PSD3: variants seen among roughly 807,000 people sequenced by gnomAD.
PSD3 encodes the protein pleckstrin and Sec7 domain containing 3, also known as PH and SEC7 domain-containing protein 3.
In PSD3, 49 loss-of-function variants were observed where a neutral mutation model predicts 105.5. The ratio of observed to expected loss-of-function variants is 0.46; its 90% CI spans 0.37 to 0.59. The LOEUF (loss-of-function observed/expected upper bound fraction) is 0.59, where lower values mean the gene tolerates loss of function less well. PSD3 is among the 20% of genes least tolerant of loss of function. The probability of loss-of-function intolerance (pLI) is 0.00; values close to 1 mark genes in which losing one functional copy is unlikely to be tolerated. For missense variants in PSD3, 1,561 were observed against 1,263.8 expected, an observed-to-expected ratio of 1.24 and a Z score of -3.57; for synonymous variants, 557 against 457.8, an observed-to-expected ratio of 1.22 and a Z score of -2.77.
At chr8:18,792,103 T>C (rs1478307841) in intron 8 of PSD3, among the ~76,000 whole-genome samples, 11 of 152,190 alleles carry the variant, frequency 7.2e-5, no homozygotes, top group Non-Finnish European at 1.6e-4. Context: ...AGGAATGCTT[T>C]TACGCTGTTG....
intron 11 of PSD3, among the ~76,000 whole-genome samples, chr8:18,602,690 C>G (rs1237822992): frequency 1.3e-5 from 2 of 151,956 alleles, no homozygotes; most frequent in African/African-American, 4.8e-5. Flanking sequence ...TGGGTGCAAT[C>G]AAGCAGAATT....
intron 1 of PSD3, among the ~76,000 whole-genome samples, chr8:19,039,696 T>A (rs1828059413): frequency 6.6e-6 from 1 of 152,178 alleles, no homozygotes; most frequent in African/African-American, 2.4e-5. Flanking sequence ...CTTACATTCA[T>A]CTCTCATCCC....
chr8:18,910,128 C>T (rs555657017), intron 2 of PSD3, among the ~76,000 whole-genome samples: 4 of 152,114 alleles, frequency 2.6e-5, no homozygotes. Flanking sequence ...GTCTCCATCC[C>T]ATTACTGGGT....
chr8:19,015,131 G>T (rs886495526), upstream of PSD3, among the ~76,000 whole-genome samples: 2 of 152,090 alleles, frequency 1.3e-5, no homozygotes, highest in African/African-American at 4.8e-5. Context: ...TTGAATTATG[G>T]GGGCGGGTCT....
At chr8:18,798,023 A>T (rs1424695176) in intron 8 of PSD3, among the ~76,000 whole-genome samples, 4 of 152,168 alleles carry the variant, frequency 2.6e-5, no homozygotes, top group Admixed American at 1.3e-4. Context: ...AAAGCAGTGA[A>T]AACTTGCTTG....
intron 9 of PSD3, among the ~76,000 whole-genome samples, chr8:18,759,463 TTTCTG>T (rs1806334428): frequency 1.3e-5 from 2 of 152,270 alleles, no homozygotes; most frequent in African/African-American, 4.8e-5. Flanking sequence ...TGTTTTGTTG[TTTCTG>T]TTCTTTCCAT....
chr8:18,884,449 A>G (rs1027754541), intron 2 of PSD3, among the ~76,000 whole-genome samples: 1 of 152,216 alleles, frequency 6.6e-6, no homozygotes, highest in African/African-American at 2.4e-5. Context: ...GAATATGAGT[A>G]ATGAGAATTA....
intron 4 of PSD3, among the ~76,000 whole-genome samples, chr8:18,828,425 T>C (rs1318772912): frequency 6.6e-6 from 1 of 152,288 alleles, no homozygotes; most frequent in African/African-American, 2.4e-5. Flanking sequence ...AGTGACCACA[T>C]TCAAGCTTCG....
chr8:18,830,475 G>C (rs17127278), intron 4 of PSD3, among the ~76,000 whole-genome samples: 5,639 of 152,192 alleles, frequency 0.037, 116 homozygotes, highest in Admixed American at 0.067. Flanking sequence ...ATCTCTTTTA[G>C]TCATTTCCCA....
intron 11 of PSD3, among the ~76,000 whole-genome samples, chr8:18,609,288 C>G (rs1805083637): frequency 6.6e-6 from 1 of 152,152 alleles, no homozygotes; most frequent in African/African-American, 2.4e-5. Flanking sequence ...AATGCAAATC[C>G]TGCCAGGCCA....
chr8:19,074,151 G>A (rs1448026122), intron 1 of PSD3, among the ~76,000 whole-genome samples: 2 of 152,134 alleles, frequency 1.3e-5, no homozygotes, highest in Non-Finnish European at 2.9e-5. Context: ...CTCATCCAAA[G>A]CAGTATCCCC....
intron 2 of PSD3, among the ~76,000 whole-genome samples, chr8:18,901,421 T>A (rs775313891): frequency 6.6e-6 from 1 of 152,196 alleles, no homozygotes. Flanking sequence ...TCCATTGACA[T>A]TCAAGGGTAT....
intron 2 of PSD3, among the ~76,000 whole-genome samples, chr8:18,875,917 C>G (rs1170509071): frequency 6.6e-6 from 1 of 152,136 alleles, no homozygotes; most frequent in East Asian, 1.9e-4. Context: ...TTTCTCAGCC[C>G]CTGGTAACTA....
chr8:18,888,168 T>C (rs556642127), intron 2 of PSD3, among the ~76,000 whole-genome samples: 4 of 152,178 alleles, frequency 2.6e-5, no homozygotes, highest in Admixed American at 1.3e-4. Flanking sequence ...AAGCCAAAAA[T>C]ATCCACCTCT....
chr8:19,080,762 A>C (rs987694811), intron 1 of PSD3, among the ~76,000 whole-genome samples: 2 of 152,226 alleles, frequency 1.3e-5, no homozygotes, highest in African/African-American at 4.8e-5. Flanking sequence ...AAAATAGAGC[A>C]GTCAATCTTT....
intron 4 of PSD3, among the ~76,000 whole-genome samples, chr8:18,862,573 C>A (rs1413471144): frequency 6.6e-6 from 1 of 152,070 alleles, no homozygotes; most frequent in Non-Finnish European, 1.5e-5. Context: ...AGAAAAGAAG[C>A]CCGGAGCTCC....
chr8:18,632,763 C>T lies in PSD3; in HGVS notation c.2260G>A (p.Glu754Lys). ...KKKSPSESTE[E>K]KANGTHPKTI... ...TTTGGATGTGTTCCGTTAGCTTTCT[C>T]CTCAGTACTTTCTGAGGGAGACTTT... is the stretch of plus-strand genomic sequence containing the variant. Residue 754 changes from glutamate to lysine, a missense_variant, in exon 11 of 16, where the codon GAG becomes AAG. Transcript: ENST00000327040. 1 of 1,603,750 alleles carries T rather than the reference C, an allele frequency of 6.2e-7. No homozygotes were observed. The highest frequency in any genetic ancestry group is 8.5e-7 in the Non-Finnish European group (1 of 1,172,202).
intron 6 of PSD3, among the ~76,000 whole-genome samples, chr8:18,802,115 G>C (rs1020392242): frequency 1.3e-5 from 2 of 152,134 alleles, no homozygotes; most frequent in African/African-American, 4.8e-5. Context: ...GTGCACAGGA[G>C]ATTTCTGTTA....
chr8:18,649,069 G>A (rs1272124144), intron 10 of PSD3, among the ~76,000 whole-genome samples: 2 of 152,196 alleles, frequency 1.3e-5, no homozygotes, highest in Non-Finnish European at 2.9e-5. Flanking sequence ...AGAGAAATGT[G>A]GGGTTGGTGC....
Sources: gnomAD v4.1 joint callset for allele counts (sites outside exome capture counted in the v4.1 genomes callset) on GRCh38, gnomAD v4.1.1 for gene constraint, MANE v1.5 for transcripts, NCBI Gene and HGNC (gene_info 2026-07-23, HGNC 2026-07-21) for gene names.